The following CKMT2 variants were observed in gnomAD, a reference collection of about 807,000 sequenced individuals.
The protein encoded by CKMT2 is creatine kinase, mitochondrial 2.
CKMT2 carries 43 observed loss-of-function variants against 48.9 expected under a neutral mutation model. That is an observed-to-expected ratio of 0.88 (90% CI 0.69 to 1.13). CKMT2 has a LOEUF of 1.13. CKMT2 is among the 50% of genes most tolerant of loss of function. The probability of loss-of-function intolerance (pLI) is 0.00; values close to 1 mark genes in which losing one functional copy is unlikely to be tolerated. For missense variants in CKMT2, 472 were observed against 555.4 expected (o/e 0.85, Z 1.51); for synonymous variants, 206 against 213.0 (o/e 0.97, Z 0.29).
chr5:81,234,224 C>T (rs1756188583), intron 1 of CKMT2, among the ~76,000 whole-genome samples: 1 of 152,024 alleles, frequency 6.6e-6, no homozygotes, highest in African/African-American at 2.4e-5. Flanking sequence ...CAGACCAAAA[C>T]CTTTAGGTCT....
intron 4 of CKMT2, 145 bp from the exon 5 acceptor site, chr5:81,254,848 A>G (rs1467019310): frequency 1.4e-6 from 1 of 701,058 alleles, no homozygotes; most frequent in East Asian, 2.7e-5. Flanking sequence ...GACTTCCGGA[A>G]TGTGTCCAAT....
chr5:81,251,391 T>A, intron 2 of CKMT2, 107 bp downstream of exon 2: 1 of 1,195,806 alleles, frequency 8.4e-7, no homozygotes, highest in Non-Finnish European at 1.2e-6. Context: ...ATCGAGACCA[T>A]CCTGGCCAAC....
intron 1 of CKMT2, chr5:81,244,158 T>C: frequency 1.0e-6 from 1 of 985,448 alleles, no homozygotes; most frequent in African/African-American, 1.7e-5. Context: ...CTCCACAGCA[T>C]AGGCCAGCAG....
intron 1 of CKMT2, among the ~76,000 whole-genome samples, chr5:81,242,022 G>A (rs988792707): frequency 6.6e-6 from 1 of 151,514 alleles, no homozygotes; most frequent in Middle Eastern, 3.4e-3. Flanking sequence ...GCTGGCTTTC[G>A]TCTGTTATCT....
chr5:81,233,963 T>C (rs1756178233), intron 1 of CKMT2, among the ~76,000 whole-genome samples: 1 of 142,506 alleles, frequency 7.0e-6, no homozygotes, highest in South Asian at 2.2e-4. Context: ...ACATTGATAA[T>C]GAGACAAGTA....
chr5:81,246,452 T>G lies in CKMT2; in HGVS notation c.-20-4661T>G, dbSNP rs181205340. Among the ~76,000 whole-genome samples, 427 of 152,192 alleles carry G rather than the reference T, an allele frequency of 2.8e-3. 1 individual carries two copies. Among genetic ancestry groups the G allele is most frequent in the Non-Finnish European group, 5.1e-3 (348 of 67,998 alleles). On this transcript the variant is annotated intron_variant, in intron 1 of 9. Transcript: ENST00000254035. ...TTTAAAAGTAGACATCACTTACATT[T>G]TCTCTGAATAATATCCTGCTTATTC...
At chr5:81,259,425 A>G (rs975499372) in intron 8 of CKMT2, 171 bp downstream of exon 8, 2 of 530,770 alleles carry the variant, frequency 3.8e-6, no homozygotes, top group Admixed American at 7.6e-5. Flanking sequence ...ATTAGTTAGA[A>G]TAAAAGGTTC....
Position 81,254,496 on chromosome 5 carries a change from G to C in CKMT2, c.447+5G>C. On this transcript the variant is annotated splice_donor_5th_base_variant and intron_variant, in intron 4 of 9. Transcript: ENST00000254035. ...ACGGATCTGGATGCATCAAAGGTAG[G>C]CTCCAGCCTCCCTCTCCTTCCCCAC... 2 of 1,612,908 alleles carry C rather than the reference G, an allele frequency of 1.2e-6. No homozygotes were observed. Among genetic ancestry groups the C allele is most frequent in the Non-Finnish European group, 1.7e-6 (2 of 1,178,992 alleles).
At chr5:81,251,348 G>A (rs1756808077) in intron 2 of CKMT2, 64 bp downstream of exon 2, 1 of 1,558,130 alleles carries the variant, frequency 6.4e-7, no homozygotes, top group Admixed American at 1.7e-5. Flanking sequence ...TGTAATCCCA[G>A]CACTTTGGAA....
intron 1 of CKMT2, chr5:81,250,883 A>G (rs1756780663): frequency 3.3e-6 from 1 of 307,640 alleles, no homozygotes; most frequent in Non-Finnish European, 6.1e-6. Flanking sequence ...CATTATGTCT[A>G]AAACTACCCA....
chr5:81,257,141 A>AGTGTGT lies in CKMT2; in HGVS notation c.755+178_755+183dup, dbSNP rs3830407. The AGTGTGT allele has an allele frequency of 7.4e-3, 3,695 of 498,674 alleles. 10 individuals carry two copies. Among genetic ancestry groups the AGTGTGT allele is most frequent in the East Asian group, 0.015 (425 of 29,002 alleles). The allele number at this position is 498,674 out of a possible 1,614,324, so 30.9% of individuals were successfully genotyped here. A position where few individuals can be genotyped will look rare whatever the true frequency, so the allele number is the denominator to read the frequency against. On this transcript the variant is annotated intron_variant, in intron 6 of 9. Coordinates refer to ENST00000254035, the MANE Select transcript of CKMT2 (RefSeq NM_001099735.2). ...CTAAATGGAAAAAGACTACTTGGAA[A>AGTGTGT]GTGTGTGTGTGTGTGTGTGTGTGTG...
At chr5:81,234,622 G>T (rs547588594) in intron 1 of CKMT2, among the ~76,000 whole-genome samples, 22 of 152,188 alleles carry the variant, frequency 1.4e-4, no homozygotes, top group Non-Finnish European at 2.9e-5. Context: ...TGTGGGTTAA[G>T]GCACTGTCAC....
At chr5:81,265,616 A>T (rs1226185093) in intron 9 of CKMT2, among the ~76,000 whole-genome samples, 1 of 152,210 alleles carries the variant, frequency 6.6e-6, no homozygotes, top group East Asian at 1.9e-4. Flanking sequence ...AATTTTAGAA[A>T]GTATATCTTA....
Position 81,255,143 on chromosome 5 carries a change from A to C in CKMT2, c.598A>C (p.Lys200Gln). ...NVAITALEGL[K>Q]GDLAGRYYKL... ...GGCCATCACTGCCCTGGAGGGCCTCAAGGGGGACCTGGCTGGCCGCTACTA... is the reference window on the plus strand; with the variant it reads ...GGCCATCACTGCCCTGGAGGGCCTCCAGGGGGACCTGGCTGGCCGCTACTA... The change falls in exon 5 of 10, where the codon AAG becomes CAG. Residue 200 changes from lysine (K) to glutamine (Q), a missense_variant. Transcript: ENST00000254035. The C allele has an allele frequency of 6.2e-7, 1 of 1,614,092 alleles. No homozygotes were observed. The highest frequency in any genetic ancestry group is 1.1e-5 in the South Asian group (1 of 91,086).
intron 3 of CKMT2, among the ~76,000 whole-genome samples, chr5:81,253,380 C>G (rs1756888179): frequency 6.6e-6 from 1 of 152,182 alleles, no homozygotes; most frequent in Admixed American, 6.5e-5. Context: ...GTAGCCCAGA[C>G]TACTGAATTC....
At chr5:81,233,448 C>T in intron 1 of CKMT2, 71 bp downstream of exon 1, 1 of 960,740 alleles carries the variant, frequency 1.0e-6, no homozygotes, top group Non-Finnish European at 1.2e-6. Context: ...TGTGAAGGGC[C>T]TTGGAGGAGT....
intron 1 of CKMT2, 63 bp from the exon 2 acceptor site, chr5:81,251,050 C>G (rs150013847): frequency 7.6e-7 from 1 of 1,321,546 alleles, no homozygotes; most frequent in Non-Finnish European, 1.1e-6. Flanking sequence ...TGCCCATTGA[C>G]CCCTATGTTG....
chr5:81,257,212 T>C lies in CKMT2; in HGVS notation c.755+212T>C, dbSNP rs146510273. Among the ~76,000 whole-genome samples, 646 of 151,812 alleles carry C rather than the reference T, an allele frequency of 4.3e-3. 4 individuals are homozygous for C. Among genetic ancestry groups the C allele is most frequent in the Middle Eastern group, 0.021 (6 of 292 alleles). On this transcript the variant is annotated intron_variant, in intron 6 of 9. Coordinates refer to ENST00000254035, the MANE Select transcript of CKMT2 (RefSeq NM_001099735.2). ...AGCATTGTGGTGTTTCTAAGATGTGTAGAAATATGACCTGGTTTGCATGAA... is the reference window on the plus strand; with the variant it reads ...AGCATTGTGGTGTTTCTAAGATGTGCAGAAATATGACCTGGTTTGCATGAA...
chr5:81,253,311 TCTC>T (rs1478839235), intron 3 of CKMT2, among the ~76,000 whole-genome samples: 2 of 151,972 alleles, frequency 1.3e-5, no homozygotes, highest in Admixed American at 6.6e-5. Flanking sequence ...TATGAGGAAT[TCTC>T]CTCTTATTCT....
Sources: allele counts gnomAD v4.1 joint callset (sites outside exome capture counted in the v4.1 genomes callset), GRCh38; gene constraint gnomAD v4.1.1; transcripts MANE v1.5; gene names NCBI Gene and HGNC (gene_info 2026-07-23, HGNC 2026-07-21).